RYR3: variants seen among roughly 807,000 people sequenced by gnomAD.
The protein encoded by RYR3 is ryanodine receptor 3, also known as brain ryanodine receptor-calcium release channel.
In RYR3, 207 loss-of-function variants were observed where a neutral mutation model predicts 584.3. The observed-to-expected ratio is 0.35, with a 90% confidence interval of 0.32 to 0.40. The LOEUF (loss-of-function observed/expected upper bound fraction) is 0.40. Among genes scored for constraint, RYR3 ranks in the 10% least tolerant of loss-of-function variants. The pLI is 1.00. For missense variants in RYR3, 5,616 were observed against 6,089.2 expected (o/e 0.92, Z 2.59); for synonymous variants, 2,416 against 2,248.5 (o/e 1.07, Z -2.11).
intron 52 of RYR3, among the ~76,000 whole-genome samples, chr15:33,745,395 A>C (rs898616452): frequency 6.6e-6 from 1 of 152,050 alleles, no homozygotes; most frequent in Non-Finnish European, 1.5e-5. Context: ...ATATGTCTTG[A>C]GAAGGGACAG....
Position 33,865,298 on chromosome 15 carries a change from C to T in RYR3, c.*72C>T. On this transcript the variant is annotated 3_prime_UTR_variant, in exon 104 of 104. Coordinates refer to ENST00000634891, the MANE Select transcript of RYR3 (RefSeq NM_001036.6). ...GAAATAAAGTCCCCTTTTTACAGTT[C>T]TGCAACATATCTGAAATGTGACATT... The T allele has an allele frequency of 9.9e-7, 1 of 1,007,970 alleles. No individual in the cohort carries two copies. Among genetic ancestry groups the T allele is most frequent in the African/African-American group, 1.6e-5 (1 of 61,974 alleles). 62.4% of individuals were successfully genotyped at this position (1,007,970 alleles called of 1,614,324 possible).
chr15:33,473,975 G>A (rs1043399575), intron 2 of RYR3, among the ~76,000 whole-genome samples: 3 of 152,172 alleles, frequency 2.0e-5, no homozygotes, highest in African/African-American at 4.8e-5. Context: ...TTCTGACTGC[G>A]CTGAGATTGT....
intron 1 of RYR3, among the ~76,000 whole-genome samples, chr15:33,341,134 G>T (rs1052011899): frequency 2.6e-5 from 4 of 152,104 alleles, no homozygotes; most frequent in African/African-American, 9.7e-5. Flanking sequence ...CTCCTCCTGG[G>T]TTCAAGTGAT....
chr15:33,813,083 T>C (rs2076632796), intron 73 of RYR3, 89 bp downstream of exon 73: 1 of 1,528,418 alleles, frequency 6.5e-7, no homozygotes, highest in Admixed American at 1.8e-5. Context: ...CAGGTACAAG[T>C]GCCCTCATAA....
chr15:33,830,790 C>A, intron 85 of RYR3, 173 bp from the exon 86 acceptor site: 1 of 542,184 alleles, frequency 1.8e-6, no homozygotes, highest in Non-Finnish European at 3.1e-6. Context: ...GATATTTGTG[C>A]ATGAAAGATC....
chr15:33,629,409 C>A (rs892780943), intron 21 of RYR3, among the ~76,000 whole-genome samples: 23 of 152,122 alleles, frequency 1.5e-4, no homozygotes, highest in Admixed American at 1.4e-3. Flanking sequence ...TAAATAATTT[C>A]TTATATTGAT....
chr15:33,438,257 C>T (rs931507366), intron 1 of RYR3, among the ~76,000 whole-genome samples: 2 of 152,016 alleles, frequency 1.3e-5, no homozygotes, highest in Non-Finnish European at 2.9e-5. Context: ...AGAACTTATT[C>T]CCCTTGCCTG....
At chr15:33,798,263 A>T (rs993936895) in intron 67 of RYR3, among the ~76,000 whole-genome samples, 1 of 151,744 alleles carries the variant, frequency 6.6e-6, no homozygotes, top group African/African-American at 2.4e-5. Context: ...TAATTTTTGT[A>T]TTTTTTTAGT....
In RYR3 at chr15:33,838,788, G is replaced by C; in HGVS notation, c.12808G>C (p.Gly4270Arg). ...CACTGAACTAGTACACTTCATAAAG[G>C]GGGAGAAGGGAGATACAGATATCAT... ...ITTELVHFIKGEKGDTDIMSD... is the reference protein window; with the variant it reads ...ITTELVHFIKREKGDTDIMSD... The change falls in exon 89 of 104, where the codon GGG becomes CGG. Residue 4270 changes from glycine to arginine, a missense_variant. Gly to Arg is a moderately radical substitution (Grantham distance 125). This residue lies in a region of RYR3 where 918 missense variants were observed against 887.4 expected (regional missense o/e 1.03). Transcript: ENST00000634891. 6.2e-7 allele frequency: 1 copy of C among 1,613,884 alleles called. No homozygotes were observed. Among genetic ancestry groups the C allele is most frequent in the South Asian group, 1.1e-5 (1 of 91,054 alleles).
chr15:33,812,351 C>T (rs2076597703), intron 72 of RYR3, among the ~76,000 whole-genome samples: 1 of 151,490 alleles, frequency 6.6e-6, no homozygotes, highest in South Asian at 2.1e-4. Context: ...AATAATTCAA[C>T]CATAAGGAGC....
At chr15:33,676,497 C>A (rs1596104936) in intron 38 of RYR3, among the ~76,000 whole-genome samples, 2 of 152,164 alleles carry the variant, frequency 1.3e-5, no homozygotes, top group Middle Eastern at 6.8e-3. Flanking sequence ...ATCCTGGCAC[C>A]CAGTTAGAAA....
chr15:33,377,171 T>C (rs1197699298), intron 1 of RYR3, among the ~76,000 whole-genome samples: 1 of 152,236 alleles, frequency 6.6e-6, no homozygotes, highest in Non-Finnish European at 1.5e-5. Context: ...AGGCTCTGAA[T>C]TGGCTAGGCT....
At chr15:33,476,579 C>T (rs2049399038) in intron 2 of RYR3, among the ~76,000 whole-genome samples, 1 of 152,052 alleles carries the variant, frequency 6.6e-6, no homozygotes, top group Admixed American at 6.6e-5. Context: ...CAGCCAGTTC[C>T]ATATTGCTAT....
chr15:33,478,432 C>T (rs7175595), intron 2 of RYR3, among the ~76,000 whole-genome samples: 3,232 of 152,256 alleles, frequency 0.021, 128 homozygotes, highest in African/African-American at 0.071. Flanking sequence ...TTGAGGACTC[C>T]ACAAAGGCAG....
chr15:33,747,957 G>A (rs1294701807), intron 53 of RYR3, among the ~76,000 whole-genome samples, 157 bp from the exon 54 acceptor site: 3 of 152,162 alleles, frequency 2.0e-5, no homozygotes, highest in East Asian at 1.9e-4. Context: ...ACTGTGTTTC[G>A]GGTAAGATGC....
At chr15:33,705,096 A>ACTTTCTCTCTCTCTCTCTCTCT in intron 42 of RYR3, among the ~76,000 whole-genome samples, 1 of 78,918 alleles carries the variant, frequency 1.3e-5, no homozygotes, top group African/African-American at 5.5e-5. Flanking sequence ...ATGCACACAC[A>ACTTTCTCTCTCTCTCTCTCTCT]CTCTTTCTCT....
At chr15:33,589,008 A>C (rs2152529219) in intron 16 of RYR3, among the ~76,000 whole-genome samples, 1 of 152,268 alleles carries the variant, frequency 6.6e-6, no homozygotes, top group East Asian at 1.9e-4. Context: ...TGGTAGATCT[A>C]TTTTTAGTTC....
At chr15:33,545,495 GA>G (rs113412086) in intron 8 of RYR3, among the ~76,000 whole-genome samples, 9 of 150,636 alleles carry the variant, frequency 6.0e-5, no homozygotes, top group African/African-American at 1.2e-4. Context: ...TTGTGTTTTG[GA>G]AAAAAAAATC....
At chr15:33,611,139 A>G (rs113651176) in intron 18 of RYR3, among the ~76,000 whole-genome samples, 8 of 152,200 alleles carry the variant, frequency 5.3e-5, no homozygotes, top group African/African-American at 1.9e-4. Flanking sequence ...TTACCTTTTC[A>G]TAGCATATTA....
Sources: allele counts gnomAD v4.1 joint callset (sites outside exome capture counted in the v4.1 genomes callset), GRCh38; gene constraint gnomAD v4.1.1; regional missense constraint gnomAD v4.1.1; transcripts MANE v1.5; gene names NCBI Gene and HGNC (gene_info 2026-07-23, HGNC 2026-07-21).